MTUS1: variants seen among roughly 807,000 people sequenced by gnomAD.
MTUS1 encodes microtubule associated scaffold protein 1, also known as microtubule-associated tumor suppressor 1.
In MTUS1, 109 loss-of-function variants were observed where a neutral mutation model predicts 120.8. That is an observed-to-expected ratio of 0.90 (90% CI 0.77 to 1.06). MTUS1 has a LOEUF of 1.06. Among genes scored for constraint, MTUS1 ranks in the 50% least tolerant of loss-of-function variants. The pLI, the probability that MTUS1 is intolerant of heterozygous loss-of-function variation, is 0.00. For missense variants in MTUS1, 2,210 were observed against 1,486.3 expected, an observed-to-expected ratio of 1.49 and a Z score of -8.01; for synonymous variants, 737 against 550.5, an observed-to-expected ratio of 1.34 and a Z score of -4.74.
At chr8:17,725,123 CCA>C (rs2046130753) in intron 3 of MTUS1, among the ~76,000 whole-genome samples, 1 of 152,016 alleles carries the variant, frequency 6.6e-6, no homozygotes, top group Admixed American at 6.6e-5. Context: ...CCCCAGATCC[CCA>C]TATATTCTAG....
chr8:17,697,188 G>A, intron 6 of MTUS1: 1 of 1,503,808 alleles, frequency 6.6e-7, no homozygotes, highest in South Asian at 1.4e-5. Flanking sequence ...AAAAACCTCT[G>A]ATAAACATCT....
intron 6 of MTUS1, among the ~76,000 whole-genome samples, chr8:17,709,662 T>C (rs999855280): frequency 6.6e-5 from 10 of 152,044 alleles, no homozygotes; most frequent in Non-Finnish European, 1.5e-4. Flanking sequence ...ATAAAACTTA[T>C]ATTAACACTA....
Position 17,707,407 on chromosome 8 carries a change from A to C in MTUS1, c.2623+5807T>G, listed in dbSNP as rs144111611. 8.3e-3 allele frequency among the ~76,000 whole-genome samples: 1,265 copies of C among 152,282 alleles called. 17 individuals carry two copies. Among genetic ancestry groups the C allele is most frequent in the African/African-American group, 0.028 (1,173 of 41,558 alleles). ...CTCCTCATAATACCAGGTTAGTCTT[A>C]AGTCATGATAATAACTAACCATCGA... On this transcript the variant is annotated intron_variant, in intron 6 of 14. Transcript: ENST00000693296.
chr8:17,696,952 A>G (rs895408933), intron 6 of MTUS1, among the ~76,000 whole-genome samples: 3 of 152,224 alleles, frequency 2.0e-5, no homozygotes, highest in Admixed American at 1.3e-4. Flanking sequence ...TGGAACTAAA[A>G]TATAATTTAA....
chr8:17,727,620 G>A (rs7842088), intron 3 of MTUS1, among the ~76,000 whole-genome samples: 104,526 of 152,160 alleles, frequency 0.69, 36,612 homozygotes, highest in Middle Eastern at 0.82. Context: ...TAACACAGGC[G>A]CTAAATTCTT....
intron 6 of MTUS1, among the ~76,000 whole-genome samples, chr8:17,702,770 G>C (rs578101512): frequency 6.6e-6 from 1 of 152,192 alleles, no homozygotes; most frequent in South Asian, 2.1e-4. Context: ...TTATCCTATG[G>C]ACACATTTAG....
intron 1 of MTUS1, among the ~76,000 whole-genome samples, chr8:17,759,456 A>G (rs1175592673): frequency 6.6e-6 from 1 of 151,294 alleles, no homozygotes; most frequent in African/African-American, 2.4e-5. Context: ...TTTTGTAGAA[A>G]AGGGGTCCAG....
intron 3 of MTUS1, among the ~76,000 whole-genome samples, chr8:17,732,531 T>C (rs2046658581): frequency 6.6e-6 from 1 of 152,212 alleles, no homozygotes; most frequent in Non-Finnish European, 1.5e-5. Flanking sequence ...TCATCCAGTC[T>C]GGTGGCTTTA....
chr8:17,704,606 A>G (rs1819771537), intron 6 of MTUS1, among the ~76,000 whole-genome samples: 1 of 152,078 alleles, frequency 6.6e-6, no homozygotes, highest in African/African-American at 2.4e-5. Flanking sequence ...TTTCTAGACT[A>G]TTTTATTCCA....
intron 4 of MTUS1, among the ~76,000 whole-genome samples, chr8:17,717,939 T>C (rs1395916498): frequency 2.0e-5 from 3 of 152,206 alleles, no homozygotes; most frequent in Non-Finnish European, 4.4e-5. Flanking sequence ...CACACATGCA[T>C]TTATATTTTA....
intron 6 of MTUS1, among the ~76,000 whole-genome samples, chr8:17,710,374 T>A (rs1042416317): frequency 6.6e-6 from 1 of 152,224 alleles, no homozygotes; most frequent in African/African-American, 2.4e-5. Context: ...ATTTCAACAG[T>A]GTTCACATCA....
At chr8:17,799,197 T>C (rs756498879) in intron 1 of MTUS1, among the ~76,000 whole-genome samples, 3 of 152,164 alleles carry the variant, frequency 2.0e-5, no homozygotes, top group Non-Finnish European at 4.4e-5. Flanking sequence ...CTAAGGATAT[T>C]AACCCTGCAC....
intron 1 of MTUS1, among the ~76,000 whole-genome samples, chr8:17,778,559 G>C (rs759248081): frequency 4.3e-4 from 65 of 152,190 alleles, no homozygotes; most frequent in Admixed American, 7.2e-4. Flanking sequence ...GCTCACGCCT[G>C]TAATCCCAGC....
chr8:17,699,312 G>A (rs1276031730), intron 6 of MTUS1, among the ~76,000 whole-genome samples: 3 of 152,104 alleles, frequency 2.0e-5, no homozygotes, highest in Non-Finnish European at 4.4e-5. Context: ...CTGCCTCCCG[G>A]GTTCAAGTGA....
rs36027271 is a variant in MTUS1 at position 17,655,252 on chromosome 8, GA to G, written c.3109-587del. Among the ~76,000 whole-genome samples the G allele has an allele frequency of 2.8e-3, 396 of 139,112 alleles. 2 individuals carry two copies. The highest frequency in any genetic ancestry group is 9.4e-3 in the African/African-American group (344 of 36,664). 91.3% of individuals were successfully genotyped at this position (139,112 alleles called of 152,430 possible). ...AAAAAGGTTTGATATTTTATTCAGT[GA>G]AAAAAAAAATGGGATATTTAAACAG... On this transcript the variant is annotated intron_variant, in intron 9 of 14. Transcript: ENST00000693296.
chr8:17,719,190 C>T (rs1329857833), intron 4 of MTUS1, among the ~76,000 whole-genome samples: 1 of 152,146 alleles, frequency 6.6e-6, no homozygotes, highest in Non-Finnish European at 1.5e-5. Context: ...AAAAGGGCTT[C>T]TCATTGTTTC....
intron 7 of MTUS1, among the ~76,000 whole-genome samples, chr8:17,679,357 G>A (rs1017488432): frequency 1.8e-4 from 16 of 90,960 alleles, no homozygotes; most frequent in African/African-American, 1.5e-4. Flanking sequence ...GTGCGCGCGC[G>A]TGTGTGTGTG....
At chr8:17,689,671 A>T (rs530947045) in intron 6 of MTUS1, among the ~76,000 whole-genome samples, 2 of 152,220 alleles carry the variant, frequency 1.3e-5, no homozygotes, top group Non-Finnish European at 2.9e-5. Flanking sequence ...AAAGCATGGC[A>T]CTGGTCTAAA....
At chr8:17,783,042 C>T (rs1479331384) in intron 1 of MTUS1, among the ~76,000 whole-genome samples, 1 of 152,132 alleles carries the variant, frequency 6.6e-6, no homozygotes, top group African/African-American at 2.4e-5. Flanking sequence ...CGTGCCATTG[C>T]ACTCCAACCT....
Sources: gnomAD v4.1 joint callset for allele counts (sites outside exome capture counted in the v4.1 genomes callset) on GRCh38, gnomAD v4.1.1 for gene constraint, MANE v1.5 for transcripts, NCBI Gene and HGNC (gene_info 2026-07-23, HGNC 2026-07-21) for gene names.